Variants in C2 observed in about 807,000 individuals in gnomAD.
The protein encoded by C2 is complement C2.
A neutral mutation model predicts 85.2 loss-of-function variants in C2; 64 were observed. That is an observed-to-expected ratio of 0.75 (90% CI 0.61 to 0.92). The LOEUF is 0.92. Ranked by LOEUF, C2 falls within the 40% of genes least tolerant of loss-of-function variation. The probability of loss-of-function intolerance (pLI) is 0.00; values close to 1 mark genes in which losing one functional copy is unlikely to be tolerated. For synonymous variants in C2, 311 were observed against 370.8 expected (o/e 0.84, Z 1.85); for missense variants, 820 against 971.6 (o/e 0.84, Z 2.07).
At chr6:31,900,538 T>C, upstream of C2, 2 of 1,612,094 alleles carry the variant, frequency 1.2e-6, no homozygotes, top group Non-Finnish European at 1.7e-6. This position sits in a 1 kb window ranked among gnomAD's most constrained non-coding sequence, Gnocchi z 9.7. Context: ...GCGGTGGGGC[T>C]ACAGTGCTGG....
chr6:31,909,680 C>T (rs773001357), intron 1 of C2, among the ~76,000 whole-genome samples: 1 of 151,468 alleles, frequency 6.6e-6, no homozygotes, highest in Non-Finnish European at 1.5e-5. Flanking sequence ...AAGCGATCCT[C>T]CAGCCTTAGC....
upstream of C2, among the ~76,000 whole-genome samples, chr6:31,898,356 A>C (rs118097312): frequency 3.9e-3 from 587 of 152,352 alleles, 32 homozygotes; most frequent in East Asian, 0.11. Flanking sequence ...CTTCATAAGC[A>C]CAGTCAGGTA....
chr6:31,937,899 G>A (rs1228486840), intron 8 of C2, among the ~76,000 whole-genome samples: 1 of 151,940 alleles, frequency 6.6e-6, no homozygotes, highest in Non-Finnish European at 1.5e-5. Flanking sequence ...CAGCTACTTG[G>A]GAGGCTGAGG....
intron 9 of C2, among the ~76,000 whole-genome samples, chr6:31,940,300 G>A (rs1032391158): frequency 3.9e-5 from 6 of 152,252 alleles, no homozygotes; most frequent in East Asian, 3.9e-4. Context: ...CACGACCGTC[G>A]TCGTTATCAT....
chr6:31,927,930 T>C lies in C2; in HGVS notation c.47-25T>C. ...TGTGTCTTCCTTCTTTCTCCATTGC[T>C]GTCTCCTTGTTCCCACGGCTCTAGG... On this transcript the variant is annotated intron_variant, in intron 1 of 17. Coordinates refer to ENST00000299367, the MANE Select transcript of C2 (RefSeq NM_000063.6). The surrounding 1 kb of genome is among the most constrained non-coding windows in gnomAD (Gnocchi z 4.7). 1.2e-6 allele frequency: 2 copies of C among 1,604,290 alleles called. No individual in the cohort carries two copies. Among genetic ancestry groups the C allele is most frequent in the Non-Finnish European group, 1.7e-6 (2 of 1,171,026 alleles).
At chr6:31,909,871 T>C (rs1037334523) in intron 1 of C2, among the ~76,000 whole-genome samples, 23 of 151,912 alleles carry the variant, frequency 1.5e-4, no homozygotes, top group African/African-American at 5.1e-4. Context: ...TGTTATTTTC[T>C]GTTTTTTTTT....
At chr6:31,934,455 T>C (rs1770244350) in intron 6 of C2, 156 bp downstream of exon 6, 1 of 1,253,524 alleles carries the variant, frequency 8.0e-7, no homozygotes. Context: ...GAATTCAATT[T>C]ATACAATCAT....
chr6:31,925,477 G>C (rs534793368), upstream of C2, among the ~76,000 whole-genome samples: 6 of 152,248 alleles, frequency 3.9e-5, no homozygotes, highest in African/African-American at 1.4e-4. Context: ...ATTTTTAGTA[G>C]AGATGGGGTT....
In C2 at chr6:31,928,094, G is replaced by A. The variant is rs1769408510; in HGVS notation, c.186G>A (p.Arg62=). The A allele has an allele frequency of 1.9e-6, 3 of 1,614,014 alleles. No individual in the cohort carries two copies. Among genetic ancestry groups the A allele is most frequent in the Non-Finnish European group, 2.5e-6 (3 of 1,180,002 alleles). Reference sequence around the variant, plus strand: ...GCCTGTACCCATCCCCAGCATCACGGCTGTGCAAGAGCAGCGGACAGTGGC... The same window carrying A: ...GCCTGTACCCATCCCCAGCATCACGACTGTGCAAGAGCAGCGGACAGTGGC... ...PQGLYPSPAS[R]LCKSSGQWQT... is the part of the protein sequence containing the mutation. Residue 62 remains arginine, a synonymous_variant, in exon 2 of 18, where the codon CGG becomes CGA. Coordinates refer to ENST00000299367, the MANE Select transcript of C2 (RefSeq NM_000063.6).
At position 31,933,572 on chromosome 6, in the gene C2, G is replaced by A. The variant is rs181505831; in HGVS notation, c.443-38G>A. Reference sequence around the variant, plus strand: ...CTGAGGAGGCAGAGCCTGATGGGAGGGGGCTACTCACCTCTGCCTTCCTTT... The same window carrying A: ...CTGAGGAGGCAGAGCCTGATGGGAGAGGGCTACTCACCTCTGCCTTCCTTT... On this transcript the variant is annotated intron_variant, in intron 3 of 17. Coordinates refer to ENST00000299367, the MANE Select transcript of C2 (RefSeq NM_000063.6). The A allele has an allele frequency of 3.3e-4, 524 of 1,609,542 alleles. 4 individuals are homozygous for A. In the East Asian group the frequency reaches 7.3e-3, roughly 22 times the overall value.
intron 5 of C2, 91 bp downstream of exon 5, chr6:31,934,056 C>T (rs916947706): frequency 1.3e-6 from 2 of 1,549,736 alleles, no homozygotes; most frequent in African/African-American, 2.7e-5. Context: ...GGCCAGGAGC[C>T]TTGGTGGGCT....
chr6:31,935,917 G>T lies in C2; in HGVS notation c.850-6G>T, dbSNP rs374809864. On this transcript the variant is annotated splice_region_variant and splice_polypyrimidine_tract_variant and intron_variant, in intron 6 of 17. Transcript: ENST00000299367. This position sits in a 1 kb window ranked among gnomAD's most constrained non-coding sequence, Gnocchi z 4.3. ...CTTTACGCTGCCTCTCACTTGCCCC[G>T]CACAGATCTTCAGCTTTGAGATCAA... The T allele has an allele frequency of 6.2e-7, 1 of 1,612,600 alleles. No individual in the cohort carries two copies.
chr6:31,920,791 C>T lies in C2; in HGVS notation c.-100+765C>T, dbSNP rs986721904. Reference sequence around the variant, plus strand: ...CGCCTACAGGAGGTCAGGGACAGGCCTTCTGTTTCTTGGGAGGCCCTACCC... The same window carrying T: ...CGCCTACAGGAGGTCAGGGACAGGCTTTCTGTTTCTTGGGAGGCCCTACCC... On this transcript the variant is annotated intron_variant, in intron 1 of 3. Transcript: ENST00000413154. This position sits in a 1 kb window ranked among gnomAD's most constrained non-coding sequence, Gnocchi z 5.6. 6.6e-6 allele frequency among the ~76,000 whole-genome samples: 1 copy of T among 152,128 alleles called. No individual in the cohort carries two copies. Among genetic ancestry groups the T allele is most frequent in the Non-Finnish European group, 1.5e-5 (1 of 68,014 alleles).
intron 3 of C2, among the ~76,000 whole-genome samples, chr6:31,932,944 T>A (rs1360837222): frequency 6.6e-6 from 1 of 152,158 alleles, no homozygotes; most frequent in African/African-American, 2.4e-5. Flanking sequence ...CGAAACCCCG[T>A]CTCCACTAAC....
chr6:31,923,804 T>TGTA (rs1288521245), upstream of C2, among the ~76,000 whole-genome samples: 1 of 143,286 alleles, frequency 7.0e-6, no homozygotes, highest in Non-Finnish European at 1.5e-5. Flanking sequence ...GGCTCTTATT[T>TGTA]ATTTATTTTT....
At chr6:31,931,858 C>T (rs1350730720) in intron 3 of C2, among the ~76,000 whole-genome samples, 5 of 151,342 alleles carry the variant, frequency 3.3e-5, no homozygotes, top group Non-Finnish European at 5.9e-5. Flanking sequence ...AGGCGCCCCT[C>T]ACCTCCCGGA....
Position 31,933,744 on chromosome 6 carries a change from G to A in C2, c.577G>A (p.Gly193Ser), listed in dbSNP as rs774870557. 3.1e-6 allele frequency: 5 copies of A among 1,613,550 alleles called. No individual in the cohort carries two copies. The highest frequency in any genetic ancestry group is 4.2e-6 in the Non-Finnish European group (5 of 1,180,050). ...GGGGTCTTCGGAGCGGGAGTGCCAG[G>A]GCAACGGGGTCTGGAGTGGAACGGA... is the stretch of plus-strand genomic sequence containing the variant. ...LTGSSERECQGNGVWSGTEPI... is the reference protein window; with the variant it reads ...LTGSSERECQSNGVWSGTEPI... The change falls in exon 4 of 18, where the codon GGC becomes AGC. Residue 193 changes from glycine (G) to serine (S), a missense_variant. Coordinates refer to ENST00000299367, the MANE Select transcript of C2 (RefSeq NM_000063.6).
intron 5 of C2, 60 bp downstream of exon 5, chr6:31,934,025 G>C: frequency 6.4e-7 from 1 of 1,563,536 alleles, no homozygotes; most frequent in South Asian, 1.1e-5. Context: ...CCGGAGCAAG[G>C]GAGGATGCAA....
chr6:31,938,294 G>T (rs1432839177), intron 8 of C2, among the ~76,000 whole-genome samples: 1 of 151,918 alleles, frequency 6.6e-6, no homozygotes, highest in African/African-American at 2.4e-5. Context: ...TCTTGCTATT[G>T]TCCAAATTAC....
Sources: allele counts gnomAD v4.1 joint callset (sites outside exome capture counted in the v4.1 genomes callset), GRCh38; gene constraint gnomAD v4.1.1; non-coding constraint Gnocchi (gnomAD v3.1); transcripts MANE v1.5; gene names NCBI Gene and HGNC (gene_info 2026-07-23, HGNC 2026-07-21).